The following SFXN1 variants were observed in gnomAD, a reference collection of about 807,000 sequenced individuals.
SFXN1 encodes sideroflexin-1.
A neutral mutation model predicts 39.5 loss-of-function variants in SFXN1; 32 were observed. That is an observed-to-expected ratio of 0.81 (90% CI 0.61 to 1.09). SFXN1 has a LOEUF of 1.09. Ranked by LOEUF, SFXN1 falls within the 50% of genes least tolerant of loss-of-function variation. The pLI is 0.00. For synonymous variants in SFXN1, 136 were observed against 146.5 expected, an observed-to-expected ratio of 0.93 and a Z score of 0.52; for missense variants, 402 against 407.1, an observed-to-expected ratio of 0.99 and a Z score of 0.11.
chr5:175,501,063 A>ATTTTTTTT (rs531862744), intron 2 of SFXN1, among the ~76,000 whole-genome samples: 2 of 116,086 alleles, frequency 1.7e-5, no homozygotes, highest in African/African-American at 3.6e-5. Flanking sequence ...ATGGGCAAAG[A>ATTTTTTTT]TTTTTTTTTT....
chr5:175,487,961 C>T (rs1366417559), intron 1 of SFXN1, among the ~76,000 whole-genome samples: 1 of 152,216 alleles, frequency 6.6e-6, no homozygotes, highest in Non-Finnish European at 1.5e-5. Flanking sequence ...GTACCTCTTG[C>T]CACCTGCGCT....
At chr5:175,519,930 C>A (rs1485883880) in intron 8 of SFXN1, among the ~76,000 whole-genome samples, 1 of 128,044 alleles carries the variant, frequency 7.8e-6, no homozygotes, top group East Asian at 2.6e-4. Context: ...AGTGCAATGA[C>A]ATAACCTTGG....
At chr5:175,499,041 G>C (rs998179708) in intron 2 of SFXN1, among the ~76,000 whole-genome samples, 1 of 152,068 alleles carries the variant, frequency 6.6e-6, no homozygotes, top group South Asian at 2.1e-4. Flanking sequence ...AATCACCTGA[G>C]GCCAGGAGTT....
At chr5:175,517,371 C>T (rs1251312117) in intron 8 of SFXN1, among the ~76,000 whole-genome samples, 2 of 151,974 alleles carry the variant, frequency 1.3e-5, no homozygotes, top group East Asian at 1.9e-4. Context: ...CTCTTCCCAC[C>T]GAAGCCCCCT....
At chr5:175,495,515 G>A (rs1759825225) in intron 2 of SFXN1, among the ~76,000 whole-genome samples, 1 of 152,140 alleles carries the variant, frequency 6.6e-6, no homozygotes, top group African/African-American at 2.4e-5. Context: ...GATCACTTGA[G>A]GTCAGGAGTT....
At chr5:175,517,275 C>A (rs758825300) in intron 8 of SFXN1, among the ~76,000 whole-genome samples, 3 of 152,142 alleles carry the variant, frequency 2.0e-5, no homozygotes, top group Non-Finnish European at 4.4e-5. Flanking sequence ...TGTGTTCTCC[C>A]CACTTTCATC....
intron 2 of SFXN1, among the ~76,000 whole-genome samples, chr5:175,501,342 A>C (rs1760077294): frequency 1.3e-5 from 2 of 152,174 alleles, no homozygotes; most frequent in Non-Finnish European, 2.9e-5. Flanking sequence ...TGCTGGGATT[A>C]CAAGTGGGAG....
chr5:175,510,397 A>G (rs1380800610), intron 4 of SFXN1, 190 bp downstream of exon 4: 1 of 561,676 alleles, frequency 1.8e-6, no homozygotes, highest in African/African-American at 1.9e-5. Context: ...CCCTATCAAG[A>G]AAACAGTCTT....
chr5:175,512,219 G>A lies in SFXN1; in HGVS notation c.596+23G>A, dbSNP rs1439109338. ...AAGGTAAGACGAATATGCACTCTTA[G>A]TAGGGACATGTGCTTGACAGGAGAG... On this transcript the variant is annotated intron_variant, in intron 6 of 10. Transcript: ENST00000321442. The A allele has an allele frequency of 3.8e-6, 6 of 1,594,568 alleles. No homozygotes were observed. The African/African-American group carries it at 4.0e-5, about 11-fold the overall frequency.
chr5:175,503,752 C>G (rs958344417), intron 2 of SFXN1, among the ~76,000 whole-genome samples: 4 of 152,146 alleles, frequency 2.6e-5, no homozygotes, highest in Non-Finnish European at 5.9e-5. Flanking sequence ...CCCATAATCC[C>G]AACACTTTGA....
chr5:175,479,581 G>A (rs1204755439), intron 1 of SFXN1, among the ~76,000 whole-genome samples: 1 of 152,072 alleles, frequency 6.6e-6, no homozygotes, highest in Admixed American at 6.5e-5. Context: ...GAAATTAAAG[G>A]TGTTTACATG....
At position 175,515,020 on chromosome 5, in the gene SFXN1, C is replaced by A. The variant is rs147993397; in HGVS notation, c.724+1430C>A. On this transcript the variant is annotated intron_variant, in intron 7 of 10. Transcript: ENST00000321442. ...TGCCCTGGGTTTGGTTTGTTGTTGT[C>A]GTCGTTGTTTTTGAGACAGGATATT... Among the ~76,000 whole-genome samples the A allele has an allele frequency of 3.4e-3, 519 of 151,776 alleles. 4 individuals carry two copies. Among genetic ancestry groups the A allele is most frequent in the African/African-American group, 0.011 (470 of 41,378 alleles).
At chr5:175,496,332 CCCTGCACTCCAG>C (rs1345948084) in intron 2 of SFXN1, among the ~76,000 whole-genome samples, 1 of 151,764 alleles carries the variant, frequency 6.6e-6, no homozygotes, top group Non-Finnish European at 1.5e-5. Context: ...CGAGATCGCT[CCCTGCACTCCAG>C]CCTGGGCAAC....
intron 2 of SFXN1, among the ~76,000 whole-genome samples, chr5:175,505,514 G>A (rs1760254527): frequency 7.0e-6 from 1 of 143,278 alleles, no homozygotes; most frequent in Non-Finnish European, 1.6e-5. Context: ...TCCAGCCTGG[G>A]CGACAAGAGT....
rs1415681860 is a variant in SFXN1, at chr5:175,528,309, A to T, written c.*1575A>T. 1 of 152,200 alleles carries T rather than the reference A, an allele frequency of 6.6e-6. No homozygotes were observed. Among genetic ancestry groups the T allele is most frequent in the East Asian group, 1.9e-4 (1 of 5,200 alleles). 9.4% of individuals were successfully genotyped at this position (152,200 alleles called of 1,614,324 possible). ...TAACAACTATTTACATAGTGCTTACATTGTATTAGGTGTTATAAGCAATCT... is the reference window on the plus strand; with the variant it reads ...TAACAACTATTTACATAGTGCTTACTTTGTATTAGGTGTTATAAGCAATCT... On this transcript the variant is annotated 3_prime_UTR_variant, in exon 11 of 11. Coordinates refer to ENST00000321442, the MANE Select transcript of SFXN1 (RefSeq NM_022754.7).
chr5:175,510,290 C>A, intron 4 of SFXN1, 83 bp downstream of exon 4: 1 of 1,079,082 alleles, frequency 9.3e-7, no homozygotes, highest in Non-Finnish European at 1.4e-6. Context: ...TTTAAAAAAG[C>A]CTATGTGTGC....
intron 1 of SFXN1, among the ~76,000 whole-genome samples, chr5:175,485,122 G>C (rs2113259898): frequency 6.6e-6 from 1 of 152,260 alleles, no homozygotes; most frequent in South Asian, 2.1e-4. Context: ...CTGTATGTTT[G>C]TTTGTTTGAT....
chr5:175,521,045 C>T (rs1281531482), intron 8 of SFXN1, among the ~76,000 whole-genome samples: 1 of 152,094 alleles, frequency 6.6e-6, no homozygotes, highest in Non-Finnish European at 1.5e-5. Context: ...ATGTTGTCTT[C>T]TAACAGCTTG....
chr5:175,526,858 G>A lies in SFXN1; in HGVS notation c.*124G>A. On this transcript the variant is annotated 3_prime_UTR_variant, in exon 11 of 11. Coordinates refer to ENST00000321442, the MANE Select transcript of SFXN1 (RefSeq NM_022754.7). ...GGAAACCTTTTAAAGATCCACATTA[G>A]CCTTTTAGAATAAAGCTGCTACTTT... 1.3e-6 allele frequency: 1 copy of A among 787,126 alleles called. No homozygotes were observed. Among genetic ancestry groups the A allele is most frequent in the East Asian group, 2.4e-5 (1 of 40,872 alleles). 48.8% of individuals were successfully genotyped at this position (787,126 alleles called of 1,614,324 possible). A position where few individuals can be genotyped will look rare whatever the true frequency, so the allele number is the denominator to read the frequency against.
Sources: allele counts gnomAD v4.1 joint callset (sites outside exome capture counted in the v4.1 genomes callset), GRCh38; gene constraint gnomAD v4.1.1; transcripts MANE v1.5; gene names NCBI Gene and HGNC (gene_info 2026-07-23, HGNC 2026-07-21).